SLCO1B3: variants seen among roughly 807,000 people sequenced by gnomAD.
SLCO1B3 encodes the protein solute carrier organic anion transporter family member 1B3, also known as liver-specific organic anion transporter 2.
A neutral mutation model predicts 71.8 loss-of-function variants in SLCO1B3; 72 were observed. The ratio of observed to expected loss-of-function variants is 1.00; its 90% confidence interval spans 0.83 to 1.22. The LOEUF (loss-of-function observed/expected upper bound fraction) is 1.22, where lower values mean the gene tolerates loss of function less well. Ranked by LOEUF, SLCO1B3 falls within the 50% of genes most tolerant of loss-of-function variation. The probability of loss-of-function intolerance (pLI) is 0.00; values close to 1 mark genes in which losing one functional copy is unlikely to be tolerated. For synonymous variants in SLCO1B3, 298 were observed against 278.4 expected, an observed-to-expected ratio of 1.07 and a Z score of -0.70; for missense variants, 911 against 819.7, an observed-to-expected ratio of 1.11 and a Z score of -1.36.
At chr12:20,815,897 T>A (rs1864184648) in intron 3 of SLCO1B3, 75 bp downstream of exon 3, 2 of 773,508 alleles carry the variant, frequency 2.6e-6, no homozygotes, top group Non-Finnish European at 4.1e-6. Context: ...CCACTAACTG[T>A]CAAAAAGAAC....
chr12:20,823,628 C>T (rs1234752936), intron 3 of SLCO1B3, among the ~76,000 whole-genome samples: 1 of 152,080 alleles, frequency 6.6e-6, no homozygotes, highest in Non-Finnish European at 1.5e-5. Context: ...CATATAGGAG[C>T]TCTCTCTCTT....
intron 11 of SLCO1B3, among the ~76,000 whole-genome samples, chr12:20,880,190 TTA>T (rs1865662351): frequency 6.6e-6 from 1 of 151,326 alleles, no homozygotes; most frequent in African/African-American, 2.4e-5. Flanking sequence ...TAATATAAAA[TTA>T]TATCTTATGA....
intron 13 of SLCO1B3, among the ~76,000 whole-genome samples, chr12:20,887,431 A>G (rs1279729633): frequency 6.6e-6 from 1 of 152,072 alleles, no homozygotes; most frequent in Admixed American, 6.6e-5. Context: ...ATAAGATGAT[A>G]TCTCATTACG....
chr12:20,886,554 G>A (rs1865796517), intron 13 of SLCO1B3, among the ~76,000 whole-genome samples: 1 of 152,006 alleles, frequency 6.6e-6, no homozygotes. Flanking sequence ...AATATATGAA[G>A]AAGCAGTGAA....
At chr12:20,841,911 G>T (rs1003386046) in intron 3 of SLCO1B3, among the ~76,000 whole-genome samples, 1 of 144,340 alleles carries the variant, frequency 6.9e-6, no homozygotes, top group South Asian at 2.2e-4. Flanking sequence ...TTGAGACAGA[G>T]TCTCACTCTT....
chr12:20,910,434 G>A (rs1866349919), intron 15 of SLCO1B3, among the ~76,000 whole-genome samples: 1 of 152,050 alleles, frequency 6.6e-6, no homozygotes, highest in Non-Finnish European at 1.5e-5. Context: ...TGGCTATTTA[G>A]CATCTTTTGC....
intron 2 of SLCO1B3, among the ~76,000 whole-genome samples, chr12:20,813,965 G>C (rs1864148347): frequency 6.6e-6 from 1 of 151,856 alleles, no homozygotes; most frequent in Non-Finnish European, 1.5e-5. Context: ...TTACAAATCG[G>C]ATGCTTATAT....
chr12:20,862,303 A>G lies in SLCO1B3; in HGVS notation c.482-109A>G, dbSNP rs911888485. ...AAGTGAATATGAATCACTTGTAATT[A>G]GGAAACAAACAAACAAAAAATGGAA... On this transcript the variant is annotated intron_variant, in intron 6 of 15. Transcript: ENST00000381545. The G allele has an allele frequency of 3.2e-6, 4 of 1,234,696 alleles. No individual in the cohort carries two copies. In the African/African-American group the frequency reaches 6.3e-5, roughly 19 times the overall value. 76.5% of individuals were successfully genotyped at this position (1,234,696 alleles called of 1,614,324 possible).
chr12:20,833,288 A>T (rs189137719), intron 3 of SLCO1B3, among the ~76,000 whole-genome samples: 1 of 151,974 alleles, frequency 6.6e-6, no homozygotes, highest in African/African-American at 2.4e-5. Flanking sequence ...TTGCCATGTT[A>T]CCTAACATAT....
chr12:20,835,123 T>C (rs1864649570), intron 3 of SLCO1B3, among the ~76,000 whole-genome samples: 1 of 152,202 alleles, frequency 6.6e-6, no homozygotes, highest in African/African-American at 2.4e-5. Flanking sequence ...AAGCTGTACC[T>C]TGGCCCCTTT....
At position 20,815,655 on chromosome 12, in the gene SLCO1B3, ACTTTTT is replaced by A. The variant is rs1864178908; in HGVS notation, c.-65-12_-65-7del. On this transcript the variant is annotated splice_polypyrimidine_tract_variant and intron_variant, in intron 2 of 15. Transcript: ENST00000381545. ...ATATTGTTAAAGTAAAATAAATTAT[ACTTTTT>A]CTTTTTTAACAGGTGATCATTTCAA... The A allele has an allele frequency of 1.2e-6, 1 of 853,162 alleles. No homozygotes were observed. The highest frequency in any genetic ancestry group is 2.2e-5 in the Admixed American group (1 of 45,438). The allele number at this position is 853,162 out of a possible 1,614,324, so 52.8% of individuals were successfully genotyped here.
At position 20,826,438 on chromosome 12, in the gene SLCO1B3, A is replaced by G. The variant is rs939735521; in HGVS notation, c.84+10616A>G. Among the ~76,000 whole-genome samples the G allele has an allele frequency of 5.5e-5, 6 of 110,016 alleles. No individual in the cohort carries two copies. In the East Asian group the frequency reaches 1.4e-3, roughly 25 times the overall value. 72.2% of individuals were successfully genotyped at this position (110,016 alleles called of 152,430 possible). On this transcript the variant is annotated intron_variant, in intron 3 of 15. Coordinates refer to ENST00000381545, the MANE Select transcript of SLCO1B3 (RefSeq NM_019844.4). ...TTTATTAAGAGTGAATCAATACCTT[A>G]AGAAAATGTTGTTCTAACCAATTCT...
intron 6 of SLCO1B3, 61 bp from the exon 7 acceptor site, chr12:20,862,351 A>T: frequency 2.7e-6 from 4 of 1,504,682 alleles, no homozygotes; most frequent in South Asian, 1.3e-5. Context: ...TAAAGTAGTT[A>T]AATTTCTAAT....
rs369001827 is a variant in SLCO1B3, at chr12:20,819,931, G to A, written c.84+4109G>A. 9.9e-5 allele frequency among the ~76,000 whole-genome samples: 15 copies of A among 152,178 alleles called. No individual in the cohort carries two copies. The East Asian group carries it at 2.3e-3, about 24-fold the overall frequency. On this transcript the variant is annotated intron_variant, in intron 3 of 15. Transcript: ENST00000381545. ...AGAAGGGCAGCAATGAGATGCGGCT[G>A]TAGTCCAGGAATAGTCAGGGAAGCA...
rs1269631461 is a variant in SLCO1B3, at chr12:20,916,268, A to T, written c.*21A>T. The T allele has an allele frequency of 6.2e-7, 1 of 1,603,936 alleles. No homozygotes were observed. Among genetic ancestry groups the T allele is most frequent in the Non-Finnish European group, 8.5e-7 (1 of 1,174,396 alleles). ...ACTAACATTGCATTGATTCATTAAG[A>T]TGTTATTTTTGAGGTGTTCCTGGTC... On this transcript the variant is annotated 3_prime_UTR_variant, in exon 16 of 16. Transcript: ENST00000381545.
At chr12:20,845,412 T>C (rs965808653) in intron 3 of SLCO1B3, among the ~76,000 whole-genome samples, 9 of 152,174 alleles carry the variant, frequency 5.9e-5, no homozygotes, top group Non-Finnish European at 1.3e-4. Context: ...CAAGACCTAC[T>C]TTGAACTGAG....
intron 5 of SLCO1B3, 22 bp from the exon 6 acceptor site, chr12:20,860,995 C>A: frequency 1.3e-6 from 2 of 1,540,392 alleles, no homozygotes; most frequent in South Asian, 2.4e-5. Flanking sequence ...GCAAAATGTT[C>A]AATTTCATGT....
intron 10 of SLCO1B3, among the ~76,000 whole-genome samples, chr12:20,878,239 TTATAA>T (rs755581740): frequency 2.6e-5 from 4 of 152,124 alleles, no homozygotes; most frequent in Non-Finnish European, 5.9e-5. Flanking sequence ...TAATTGGATC[TTATAA>T]TATAGTACTG....
intron 15 of SLCO1B3, among the ~76,000 whole-genome samples, chr12:20,912,124 C>T (rs1866390775): frequency 6.6e-6 from 1 of 151,724 alleles, no homozygotes; most frequent in Non-Finnish European, 1.5e-5. Context: ...TTTTAAATTT[C>T]TCATGAAATT....
Sources: allele counts gnomAD v4.1 joint callset (sites outside exome capture counted in the v4.1 genomes callset), GRCh38; gene constraint gnomAD v4.1.1; transcripts MANE v1.5; gene names NCBI Gene and HGNC (gene_info 2026-07-23, HGNC 2026-07-21).